Variants in SAMHD1 observed in about 807,000 individuals in gnomAD.
The protein encoded by SAMHD1 is SAM and HD domain containing deoxynucleoside triphosphate triphosphohydrolase 1, also known as deoxynucleoside triphosphate triphosphohydrolase SAMHD1.
SAMHD1 carries 54 observed loss-of-function variants against 79.6 expected under a neutral mutation model. The observed-to-expected ratio is 0.68, with a 90% CI of 0.55 to 0.85. The LOEUF is 0.85. SAMHD1 is among the 40% of genes least tolerant of loss of function. The probability of loss-of-function intolerance (pLI) is 0.00; values close to 1 mark genes in which losing one functional copy is unlikely to be tolerated. For synonymous variants in SAMHD1, 260 were observed against 264.1 expected, an observed-to-expected ratio of 0.98 and a Z score of 0.15; for missense variants, 663 against 782.7, an observed-to-expected ratio of 0.85 and a Z score of 1.82.
intron 5 of SAMHD1, among the ~76,000 whole-genome samples, chr20:36,927,985 C>A (rs2063546531): frequency 1.3e-5 from 2 of 152,284 alleles, no homozygotes; most frequent in African/African-American, 4.8e-5. Flanking sequence ...CACCACCACA[C>A]AGGGCTTGAT....
At chr20:36,942,707 C>G (rs2063654640) in intron 2 of SAMHD1, among the ~76,000 whole-genome samples, 1 of 151,754 alleles carries the variant, frequency 6.6e-6, no homozygotes, top group South Asian at 2.1e-4. Flanking sequence ...AGTGCAGTGA[C>G]GTGATCTCGG....
chr20:36,901,148 G>C lies in SAMHD1; in HGVS notation c.1504-2604C>G, dbSNP rs117240410. ...ATGAGTCTGACCCTGAAAAAGAGGAGAGGGGAAGAGCAGTGTGGTGTTCAT... is the reference window on the plus strand; with the variant it reads ...ATGAGTCTGACCCTGAAAAAGAGGACAGGGGAAGAGCAGTGTGGTGTTCAT... On this transcript the variant is annotated intron_variant, in intron 13 of 15. Coordinates refer to ENST00000646673, the MANE Select transcript of SAMHD1 (RefSeq NM_015474.4). Among the ~76,000 whole-genome samples, 451 of 152,288 alleles carry C rather than the reference G, an allele frequency of 3.0e-3. 1 individual carries two copies. Among genetic ancestry groups the C allele is most frequent in the Non-Finnish European group, 4.6e-3 (314 of 68,022 alleles).
At chr20:36,943,859 C>G (rs2063664238) in intron 2 of SAMHD1, among the ~76,000 whole-genome samples, 1 of 152,016 alleles carries the variant, frequency 6.6e-6, no homozygotes, top group South Asian at 2.1e-4. Context: ...GCAGGCAGAT[C>G]ATGAGGTCGG....
chr20:36,951,570 G>A lies in SAMHD1; in HGVS notation c.74C>T (p.Thr25Ile), dbSNP rs2063734980. The change falls in exon 1 of 16, where the codon ACC becomes ATC. Residue 25 changes from threonine to isoleucine, a missense_variant. By Grantham distance (89) the Thr-to-Ile change is moderately conservative (BLOSUM62 -1). Coordinates refer to ENST00000646673, the MANE Select transcript of SAMHD1 (RefSeq NM_015474.4). ...CDDSPRTPSN[T>I]PSAEADWSPG... ...GGACCAGTCTGCCTCTGCGGAAGGG[G>A]TGTTTGAGGGGGTTCTCGGGCTGTC... 6.2e-7 allele frequency: 1 copy of A among 1,614,098 alleles called. No individual in the cohort carries two copies. Among genetic ancestry groups the A allele is most frequent in the Admixed American group, 1.7e-5 (1 of 60,016 alleles).
intron 2 of SAMHD1, among the ~76,000 whole-genome samples, chr20:36,945,635 C>T (rs1419770231): frequency 1.3e-5 from 2 of 152,148 alleles, no homozygotes; most frequent in African/African-American, 4.8e-5. Flanking sequence ...AATCTCAGCA[C>T]TTTGGGAGGC....
intron 2 of SAMHD1, among the ~76,000 whole-genome samples, chr20:36,945,833 C>G (rs1034175660): frequency 1.3e-5 from 2 of 151,796 alleles, no homozygotes; most frequent in Non-Finnish European, 2.9e-5. Flanking sequence ...ATGGCTTGAA[C>G]CCAGGGGGTT....
Position 36,890,318 on chromosome 20 carries a change from G to A in SAMHD1, c.*2614C>T, listed in dbSNP as rs1990029911. On this transcript the variant is annotated 3_prime_UTR_variant, in exon 16 of 16. Transcript: ENST00000646673. ...TTGCAGTTCTATTTACATTCCCAAGGTAACCACGTTCAGTAACTCTCTAGA... is the reference window on the plus strand; with the variant it reads ...TTGCAGTTCTATTTACATTCCCAAGATAACCACGTTCAGTAACTCTCTAGA... 6.6e-6 allele frequency: 1 copy of A among 151,966 alleles called. No individual in the cohort carries two copies. The highest frequency in any genetic ancestry group is 2.4e-5 in the African/African-American group (1 of 41,354). The allele number at this position is 151,966 out of a possible 1,614,324, so 9.4% of individuals were successfully genotyped here.
At chr20:36,925,424 A>G (rs2063530814) in intron 6 of SAMHD1, among the ~76,000 whole-genome samples, 1 of 152,208 alleles carries the variant, frequency 6.6e-6, no homozygotes, top group Non-Finnish European at 1.5e-5. Flanking sequence ...TTCCGGTTTT[A>G]TGGTTTTTTG....
intron 8 of SAMHD1, 57 bp from the exon 9 acceptor site, chr20:36,916,887 A>C: frequency 6.4e-7 from 1 of 1,573,412 alleles, no homozygotes; most frequent in Non-Finnish European, 8.7e-7. Context: ...CTGTACCTTA[A>C]ATAGTAATAC....
At chr20:36,915,356 T>A (rs1019699266) in intron 9 of SAMHD1, among the ~76,000 whole-genome samples, 1 of 152,050 alleles carries the variant, frequency 6.6e-6, no homozygotes. Flanking sequence ...ACAAAAAACA[T>A]ACAAAATGTG....
chr20:36,912,434 T>C (rs1371768428), intron 10 of SAMHD1, 27 bp downstream of exon 10: 5 of 1,488,060 alleles, frequency 3.4e-6, no homozygotes, highest in African/African-American at 1.4e-5. Flanking sequence ...GAAAATTTTA[T>C]AGGGAAATGA....
At chr20:36,922,990 A>G (rs767291530) in intron 6 of SAMHD1, among the ~76,000 whole-genome samples, 3 of 151,950 alleles carry the variant, frequency 2.0e-5, no homozygotes, top group Non-Finnish European at 4.4e-5. Context: ...ATATCTATAT[A>G]TAAAGAGAGA....
chr20:36,901,834 G>C (rs1405825494), intron 13 of SAMHD1, among the ~76,000 whole-genome samples: 1 of 152,220 alleles, frequency 6.6e-6, no homozygotes, highest in Non-Finnish European at 1.5e-5. Flanking sequence ...CATGCAGCTA[G>C]TGACTATGGA....
At chr20:36,947,029 A>C (rs1226265121) in intron 1 of SAMHD1, 7 of 438,990 alleles carry the variant, frequency 1.6e-5, no homozygotes, top group Non-Finnish European at 2.9e-5. Context: ...AAATTTCAAA[A>C]TTATTTGTGT....
At chr20:36,939,405 C>T (rs1216714236) in intron 3 of SAMHD1, among the ~76,000 whole-genome samples, 2 of 151,870 alleles carry the variant, frequency 1.3e-5, no homozygotes, top group African/African-American at 4.8e-5. Flanking sequence ...CCAGCCTGAC[C>T]AATATGGCGG....
At chr20:36,926,220 T>C (rs995009152) in intron 6 of SAMHD1, among the ~76,000 whole-genome samples, 3 of 152,118 alleles carry the variant, frequency 2.0e-5, no homozygotes, top group Non-Finnish European at 4.4e-5. Context: ...TTGTGACTTA[T>C]TTGCATAATG....
chr20:36,912,581 T>A (rs2063447468), intron 9 of SAMHD1, 29 bp from the exon 10 acceptor site: 2 of 1,432,348 alleles, frequency 1.4e-6, no homozygotes, highest in African/African-American at 1.4e-5. Flanking sequence ...TAAATATTAA[T>A]AGGATCAGAT....
At chr20:36,903,754 GTTGGCCAGGCTGGTT>G (rs57151397) in intron 13 of SAMHD1, among the ~76,000 whole-genome samples, 31,838 of 151,074 alleles carry the variant, frequency 0.21, 3,866 homozygotes, top group African/African-American at 0.33. Flanking sequence ...GTTTTGCCTT[GTTGGCCAGGCTGGTT>G]TTGAACTCCT....
At chr20:36,898,817 C>A (rs1352159820) in intron 13 of SAMHD1, among the ~76,000 whole-genome samples, 1 of 147,548 alleles carries the variant, frequency 6.8e-6, no homozygotes, top group African/African-American at 2.5e-5. Flanking sequence ...GAGACTGAGG[C>A]AGGAGAATTG....
Sources: gnomAD v4.1 joint callset for allele counts (sites outside exome capture counted in the v4.1 genomes callset) on GRCh38, gnomAD v4.1.1 for gene constraint, MANE v1.5 for transcripts, NCBI Gene and HGNC (gene_info 2026-07-23, HGNC 2026-07-21) for gene names.